Variants in ZNF704 observed in about 807,000 individuals in gnomAD.
ZNF704 encodes glucocorticoid induced gene 1.
ZNF704 carries 10 observed loss-of-function variants against 44.7 expected under a neutral mutation model. That is an observed-to-expected ratio of 0.22 (90% CI 0.14 to 0.38). ZNF704 has a LOEUF of 0.38. Among genes scored for constraint, ZNF704 ranks in the 10% least tolerant of loss-of-function variants. ZNF704 has a pLI of 1.00. For missense variants in ZNF704, 390 were observed against 545.5 expected, an observed-to-expected ratio of 0.71 and a Z score of 2.84; for synonymous variants, 211 against 207.6, an observed-to-expected ratio of 1.02 and a Z score of -0.14.
At chr8:80,778,360 T>TGCTG (rs1189598078) in intron 2 of ZNF704, among the ~76,000 whole-genome samples, 2 of 152,110 alleles carry the variant, frequency 1.3e-5, no homozygotes, top group Non-Finnish European at 2.9e-5. Context: ...AAATAACAGA[T>TGCTG]GCTGGTTGGG....
intron 2 of ZNF704, among the ~76,000 whole-genome samples, chr8:80,739,891 C>G (rs1216030007): frequency 6.6e-6 from 1 of 152,190 alleles, no homozygotes; most frequent in Non-Finnish European, 1.5e-5. Flanking sequence ...GGATGAAAGT[C>G]CTCCGAGTCA....
At chr8:80,811,831 G>A (rs1008065821) in intron 2 of ZNF704, among the ~76,000 whole-genome samples, 1 of 152,318 alleles carries the variant, frequency 6.6e-6, no homozygotes, top group Middle Eastern at 3.4e-3. Flanking sequence ...CTGCAAAGCA[G>A]AAGGTGAGCT....
chr8:80,837,488 T>C (rs1035956458), intron 1 of ZNF704, among the ~76,000 whole-genome samples: 2 of 152,182 alleles, frequency 1.3e-5, no homozygotes, highest in African/African-American at 2.4e-5. Context: ...TAAAGTTACA[T>C]AAATTTCAAA....
intron 2 of ZNF704, among the ~76,000 whole-genome samples, chr8:80,699,774 C>T (rs1417626147): frequency 6.6e-6 from 1 of 152,130 alleles, no homozygotes; most frequent in African/African-American, 2.4e-5. Context: ...AGACTCCCTC[C>T]TGTCCCTCTT....
intron 1 of ZNF704, among the ~76,000 whole-genome samples, chr8:80,858,367 T>G (rs1808998545): frequency 6.6e-6 from 1 of 152,270 alleles, no homozygotes; most frequent in Admixed American, 6.5e-5. Context: ...TGATGCATTT[T>G]CCTTTTCAAT....
chr8:80,770,502 T>C (rs1285083959), intron 2 of ZNF704, among the ~76,000 whole-genome samples: 1 of 152,240 alleles, frequency 6.6e-6, no homozygotes, highest in Non-Finnish European at 1.5e-5. Flanking sequence ...TTGCTATATG[T>C]CCTCCTTGGT....
intron 2 of ZNF704, among the ~76,000 whole-genome samples, chr8:80,773,321 C>T (rs531504847): frequency 6.6e-6 from 1 of 152,256 alleles, no homozygotes; most frequent in East Asian, 1.9e-4. Flanking sequence ...TTAGATATTA[C>T]ATTATATGTA....
intron 2 of ZNF704, among the ~76,000 whole-genome samples, chr8:80,807,992 C>T (rs1808018252): frequency 6.6e-6 from 1 of 152,186 alleles, no homozygotes; most frequent in Non-Finnish European, 1.5e-5. Flanking sequence ...ACAGGTTATT[C>T]CACCAGCTTC....
At position 80,821,901 on chromosome 8, in the gene ZNF704, T is replaced by C. The variant is rs375286094; in HGVS notation, c.-21-286A>G. ...GAAAAGTGTAATACCTCTAATTTTT[T>C]AAAATGTAAAACATCATTGTTTTAT... is the stretch of plus-strand genomic sequence containing the variant. On this transcript the variant is annotated intron_variant, in intron 1 of 8. Coordinates refer to ENST00000327835, the MANE Select transcript of ZNF704 (RefSeq NM_001033723.3). Among the ~76,000 whole-genome samples, 12 of 152,174 alleles carry C rather than the reference T, an allele frequency of 7.9e-5. No homozygotes were observed. The East Asian group carries it at 1.5e-3, about 20-fold the overall frequency.
chr8:80,711,823 G>A (rs911405498), intron 2 of ZNF704, among the ~76,000 whole-genome samples: 11 of 152,194 alleles, frequency 7.2e-5, no homozygotes, highest in African/African-American at 2.7e-4. Flanking sequence ...ATGCATGTGG[G>A]AAAAGGGGAA....
chr8:80,744,776 A>C (rs1389444957), intron 2 of ZNF704, among the ~76,000 whole-genome samples: 4 of 152,216 alleles, frequency 2.6e-5, no homozygotes, highest in Non-Finnish European at 4.4e-5. Flanking sequence ...GAGGAGACAC[A>C]CATGAACTAA....
In ZNF704 at chr8:80,637,364, TTC is replaced by T. The variant is rs1817679131; in HGVS notation, c.*4000_*4001del. The T allele has an allele frequency of 6.6e-6, 1 of 152,216 alleles. No individual in the cohort carries two copies. The highest frequency in any genetic ancestry group is 1.5e-5 in the Non-Finnish European group (1 of 68,038). The allele number at this position is 152,216 out of a possible 1,614,324, so 9.4% of individuals were successfully genotyped here. A position where few individuals can be genotyped will look rare whatever the true frequency, so the allele number is the denominator to read the frequency against. Reference sequence around the variant, plus strand: ...GTATTTTGCTACTATTCTCAAGGTATTCTCTGTTATATGTACAATTCTGGCCA... The same window carrying T: ...GTATTTTGCTACTATTCTCAAGGTATTCTGTTATATGTACAATTCTGGCCA... On this transcript the variant is annotated 3_prime_UTR_variant, in exon 9 of 9. Transcript: ENST00000327835.
At chr8:80,842,210 G>C (rs942549129) in intron 1 of ZNF704, among the ~76,000 whole-genome samples, 1 of 152,124 alleles carries the variant, frequency 6.6e-6, no homozygotes. Flanking sequence ...TCCCAGCCCT[G>C]CCCCTTACTA....
chr8:80,823,501 A>G (rs1808315249), intron 1 of ZNF704, among the ~76,000 whole-genome samples: 1 of 152,238 alleles, frequency 6.6e-6, no homozygotes, highest in Non-Finnish European at 1.5e-5. Flanking sequence ...GGGGTAGGGC[A>G]CAGCTGAACA....
At chr8:80,787,052 T>C (rs1321190001) in intron 2 of ZNF704, among the ~76,000 whole-genome samples, 1 of 152,198 alleles carries the variant, frequency 6.6e-6, no homozygotes, top group African/African-American at 2.4e-5. Flanking sequence ...CAGAGGTGGA[T>C]AGTATACACT....
intron 4 of ZNF704, among the ~76,000 whole-genome samples, chr8:80,678,033 G>A (rs867201173): frequency 2.6e-5 from 4 of 152,090 alleles, no homozygotes; most frequent in East Asian, 1.9e-4. Flanking sequence ...ACTTTATATC[G>A]TACATTTCTC....
chr8:80,779,633 C>G (rs1196157083), intron 2 of ZNF704, among the ~76,000 whole-genome samples: 1 of 151,978 alleles, frequency 6.6e-6, no homozygotes, highest in East Asian at 1.9e-4. Flanking sequence ...TAGTCATCTT[C>G]ACTTGTCTCT....
At chr8:80,683,960 C>T (rs900243135) in intron 4 of ZNF704, among the ~76,000 whole-genome samples, 2 of 152,172 alleles carry the variant, frequency 1.3e-5, no homozygotes, top group Middle Eastern at 3.2e-3. Context: ...GCTTCATAGT[C>T]AGATATAGGC....
At chr8:80,707,817 A>C (rs1818920335) in intron 2 of ZNF704, among the ~76,000 whole-genome samples, 1 of 141,960 alleles carries the variant, frequency 7.0e-6, no homozygotes, top group South Asian at 2.1e-4. Context: ...GATAATCTTC[A>C]ATACTATTAA....
Sources: gnomAD v4.1 joint callset for allele counts (sites outside exome capture counted in the v4.1 genomes callset) on GRCh38, gnomAD v4.1.1 for gene constraint, MANE v1.5 for transcripts, NCBI Gene and HGNC (gene_info 2026-07-23, HGNC 2026-07-21) for gene names.